ABCB1: variants seen among roughly 807,000 people sequenced by gnomAD.
The protein encoded by ABCB1 is ATP binding cassette subfamily B member 1, also known as ATP-dependent translocase ABCB1.
A neutral mutation model predicts 142.0 loss-of-function variants in ABCB1; 69 were observed. The ratio of observed to expected loss-of-function variants is 0.49; its 90% CI spans 0.40 to 0.59. The LOEUF is 0.59. Among genes scored for constraint, ABCB1 ranks in the 20% least tolerant of loss-of-function variants. The pLI is 0.00. For synonymous variants in ABCB1, 532 were observed against 539.2 expected (o/e 0.99, Z 0.18); for missense variants, 1,326 against 1,554.7 (o/e 0.85, Z 2.47).
In ABCB1 at chr7:87,553,642, G is replaced by A. The variant is rs1026243363; in HGVS notation, c.999+119C>T. ...GCCTTCCACTTTTTAACCTAGTAGT[G>A]CATATGTCTGTAGTATTCAACAGTT... is the stretch of plus-strand genomic sequence containing the variant. On this transcript the variant is annotated intron_variant, in intron 9 of 27. Transcript: ENST00000622132. 14 of 1,101,634 alleles carry A rather than the reference G, an allele frequency of 1.3e-5. No individual in the cohort carries two copies. In the Admixed American group the frequency reaches 2.6e-4, roughly 20 times the overall value. 68.2% of individuals were successfully genotyped at this position (1,101,634 alleles called of 1,614,324 possible).
chr7:87,609,632 TA>T, intron 1 of ABCB1, among the ~76,000 whole-genome samples: 2 of 152,354 alleles, frequency 1.3e-5, no homozygotes, highest in East Asian at 3.9e-4. Context: ...ATTCTCTAGC[TA>T]TTTTACTTCA....
chr7:87,544,325 A>G, intron 16 of ABCB1, 50 bp from the exon 17 acceptor site: 1 of 1,568,970 alleles, frequency 6.4e-7, no homozygotes, highest in Non-Finnish European at 8.8e-7. Flanking sequence ...TTTTATATGT[A>G]CAATTCTTAC....
At chr7:87,558,989 T>A (rs1018268039) in intron 8 of ABCB1, among the ~76,000 whole-genome samples, 2 of 152,306 alleles carry the variant, frequency 1.3e-5, no homozygotes, top group Admixed American at 1.3e-4. Flanking sequence ...TATTTATTTA[T>A]AATTTCTGCA....
At chr7:87,563,565 A>G (rs948181547) in intron 7 of ABCB1, among the ~76,000 whole-genome samples, 1 of 152,236 alleles carries the variant, frequency 6.6e-6, no homozygotes, top group African/African-American at 2.4e-5. Flanking sequence ...TGCTTATCTC[A>G]ATAGATGCAA....
chr7:87,698,758 TA>T (rs1828738740), intron 1 of ABCB1, among the ~76,000 whole-genome samples: 1 of 152,190 alleles, frequency 6.6e-6, no homozygotes, highest in South Asian at 2.1e-4. Context: ...TCTTACCGCC[TA>T]ATATGTGAAA....
rs934573080 is a variant in ABCB1 at position 87,522,916 on chromosome 7, T to G, written c.2686-2040A>C. Among the ~76,000 whole-genome samples the G allele has an allele frequency of 3.3e-5, 5 of 152,304 alleles. 1 individual carries two copies. Among genetic ancestry groups the G allele is most frequent in the Admixed American group, 3.3e-4 (5 of 15,300 alleles). ...AAGTTCATTAAATACACATTAATAATGAGATGTGTAATGAGTCCTTTAATA... is the reference window on the plus strand; with the variant it reads ...AAGTTCATTAAATACACATTAATAAGGAGATGTGTAATGAGTCCTTTAATA... On this transcript the variant is annotated intron_variant, in intron 21 of 27. Coordinates refer to ENST00000622132, the MANE Select transcript of ABCB1 (RefSeq NM_001348946.2).
rs199804012 is a variant in ABCB1 at position 87,618,128 on chromosome 7, G to A, written c.-330-17050C>T. Reference sequence around the variant, plus strand: ...CAGGGCAAGAGTGTTGTCTAATTCCGGGGGCCCTGTTGACATTATCTTCTG... The same window carrying A: ...CAGGGCAAGAGTGTTGTCTAATTCCAGGGGCCCTGTTGACATTATCTTCTG... On this transcript the variant is annotated intron_variant, in intron 1 of 28. Coordinates refer to the ABCB1 transcript ENST00000265724. Among the ~76,000 whole-genome samples the A allele has an allele frequency of 9.3e-5, 14 of 150,352 alleles. No homozygotes were observed. The South Asian group carries it at 1.3e-3, about 13-fold the overall frequency.
chr7:87,671,531 A>G (rs1825823383), intron 1 of ABCB1, among the ~76,000 whole-genome samples: 1 of 152,214 alleles, frequency 6.6e-6, no homozygotes, highest in Admixed American at 6.5e-5. Flanking sequence ...CGGATTTTCT[A>G]GTACCTGGAG....
At chr7:87,538,090 G>C (rs1816375233) in intron 19 of ABCB1, among the ~76,000 whole-genome samples, 1 of 152,216 alleles carries the variant, frequency 6.6e-6, no homozygotes, top group South Asian at 2.1e-4. Context: ...ACTAGACCTT[G>C]TAAGCAGAAG....
intron 1 of ABCB1, among the ~76,000 whole-genome samples, chr7:87,625,898 A>G (rs917526221): frequency 6.6e-6 from 1 of 151,558 alleles, no homozygotes; most frequent in African/African-American, 2.4e-5. Flanking sequence ...TTAAAATTTT[A>G]ATGTATGAAT....
At chr7:87,507,304 G>A (rs1814791171) in intron 26 of ABCB1, among the ~76,000 whole-genome samples, 1 of 152,152 alleles carries the variant, frequency 6.6e-6, no homozygotes, top group Non-Finnish European at 1.5e-5. Context: ...ATAGATAATA[G>A]TTACTCTCTG....
chr7:87,510,031 G>A (rs1459041495), intron 25 of ABCB1, among the ~76,000 whole-genome samples: 2 of 152,066 alleles, frequency 1.3e-5, no homozygotes, highest in Admixed American at 6.6e-5. Context: ...CCTCTAGAAG[G>A]AACACAGCCC....
At chr7:87,576,666 C>T (rs1404202115) in intron 4 of ABCB1, among the ~76,000 whole-genome samples, 6 of 151,604 alleles carry the variant, frequency 4.0e-5, no homozygotes, top group African/African-American at 1.5e-4. Context: ...ATATTCTATC[C>T]CAGAGGATTT....
chr7:87,553,252 T>C (rs1817157412), intron 9 of ABCB1, among the ~76,000 whole-genome samples: 1 of 151,620 alleles, frequency 6.6e-6, no homozygotes, highest in Non-Finnish European at 1.5e-5. Context: ...GTGCAAGATA[T>C]CTGCAAAAAC....
intron 17 of ABCB1, among the ~76,000 whole-genome samples, chr7:87,542,920 G>T (rs1816603755): frequency 6.6e-6 from 1 of 152,094 alleles, no homozygotes; most frequent in South Asian, 2.1e-4. Context: ...GAAAAAGTTT[G>T]CTGACTCCTG....
At chr7:87,552,485 G>T (rs1262694457) in intron 9 of ABCB1, among the ~76,000 whole-genome samples, 2 of 152,064 alleles carry the variant, frequency 1.3e-5, no homozygotes, top group African/African-American at 4.8e-5. Flanking sequence ...TTTGAATCAA[G>T]TTGGTCCGAT....
rs552939159 is a variant in ABCB1 at position 87,561,422 on chromosome 7, AC to A, written c.703-36del. 3.3e-4 allele frequency: 524 copies of A among 1,578,294 alleles called. No individual in the cohort carries two copies. The African/African-American group carries it at 5.3e-3, about 16-fold the overall frequency. ...AATACAATTTTGGATCATGAAAAAA[AC>A]ACGTTAATTTTATCTTTTGTAAAGT... On this transcript the variant is annotated intron_variant, in intron 7 of 27. Transcript: ENST00000622132.
chr7:87,517,732 T>C (rs1002029760), intron 23 of ABCB1, among the ~76,000 whole-genome samples: 28 of 152,226 alleles, frequency 1.8e-4, no homozygotes, highest in Admixed American at 8.5e-4. Context: ...CCAGATATCA[T>C]GTTGCTCTTA....
intron 1 of ABCB1, among the ~76,000 whole-genome samples, chr7:87,660,721 C>A (rs1470254562): frequency 1.3e-5 from 2 of 151,780 alleles, no homozygotes; most frequent in East Asian, 3.9e-4. Flanking sequence ...AAATTTTTCT[C>A]CAACTACTGC....
Sources: gnomAD v4.1 joint callset for allele counts (sites outside exome capture counted in the v4.1 genomes callset) on GRCh38, gnomAD v4.1.1 for gene constraint, MANE v1.5 for transcripts, NCBI Gene and HGNC (gene_info 2026-07-23, HGNC 2026-07-21) for gene names.